The following RIMBP2 variants were observed in gnomAD, a reference collection of about 807,000 sequenced individuals.
The protein encoded by RIMBP2 is RIMS-binding protein 2.
Under a neutral mutation model 118.6 loss-of-function variants are expected in RIMBP2, and 48 were observed. The observed-to-expected ratio is 0.40, with a 90% CI of 0.32 to 0.51. The LOEUF (loss-of-function observed/expected upper bound fraction) is 0.51. Among genes scored for constraint, RIMBP2 ranks in the 20% least tolerant of loss-of-function variants. RIMBP2 has a pLI of 0.41. For synonymous variants in RIMBP2, 762 were observed against 742.9 expected (o/e 1.03, Z -0.42); for missense variants, 1,551 against 1,768.3 (o/e 0.88, Z 2.20).
intron 5 of RIMBP2, among the ~76,000 whole-genome samples, chr12:130,472,896 C>T (rs980767613): frequency 2.6e-5 from 4 of 152,114 alleles, no homozygotes; most frequent in African/African-American, 9.7e-5. Flanking sequence ...TTCAGCTCAA[C>T]CGTCGAAGGC....
chr12:130,713,189 A>AGAAGGAAG (rs146831323), intron 1 of RIMBP2, among the ~76,000 whole-genome samples: 1 of 110,938 alleles, frequency 9.0e-6, no homozygotes, highest in Non-Finnish European at 1.7e-5. Context: ...AAGGAAGGAA[A>AGAAGGAAG]GAAGGAAGGA....
intron 12 of RIMBP2, 30 bp downstream of exon 12, chr12:130,438,329 TAACAAA>T: frequency 6.8e-7 from 1 of 1,466,570 alleles, no homozygotes; most frequent in Non-Finnish European, 9.5e-7. Context: ...CGTTAGGGCC[TAACAAA>T]CCCTCCCCAC....
At chr12:130,662,523 G>T (rs1053810891) in intron 1 of RIMBP2, among the ~76,000 whole-genome samples, 1 of 152,148 alleles carries the variant, frequency 6.6e-6, no homozygotes, top group African/African-American at 2.4e-5. Flanking sequence ...GGGCATGGTG[G>T]TGTGTGCCTG....
chr12:130,458,307 T>C (rs12321318), intron 6 of RIMBP2, among the ~76,000 whole-genome samples: 39,148 of 152,104 alleles, frequency 0.26, 6,268 homozygotes, highest in Non-Finnish European at 0.34. Flanking sequence ...GCCGGCTGTG[T>C]CTACCAAGAT....
Position 130,623,548 on chromosome 12 carries a change from ATC to A in RIMBP2, c.-217+4772_-217+4773del, listed in dbSNP as rs945126706. On this transcript the variant is annotated intron_variant, in intron 2 of 22. Transcript: ENST00000690449. The surrounding 1 kb of genome is among the most constrained non-coding windows in gnomAD (Gnocchi z 4.1). The stretch of plus-strand genomic sequence containing the variant: ...AGGGGACAGTTAGTTAACTGTTGTC[ATC>A]TGTGTGTGCATCTACATATAGCACA... 6.9e-4 allele frequency among the ~76,000 whole-genome samples: 105 copies of A among 152,270 alleles called. 2 individuals carry two copies. Among genetic ancestry groups the A allele is most frequent in the African/African-American group, 2.4e-3 (99 of 41,544 alleles).
intron 17 of RIMBP2, among the ~76,000 whole-genome samples, chr12:130,415,807 G>A (rs1201705135): frequency 2.0e-5 from 3 of 152,088 alleles, no homozygotes; most frequent in African/African-American, 7.2e-5. Context: ...AGAAAACCCT[G>A]AAGACTCTGC....
At chr12:130,522,703 G>T (rs917513463) in intron 2 of RIMBP2, among the ~76,000 whole-genome samples, 1 of 152,166 alleles carries the variant, frequency 6.6e-6, no homozygotes, top group African/African-American at 2.4e-5. Context: ...GACTTCCTGT[G>T]CGCAGGGAGA....
At position 130,710,131 on chromosome 12, in the gene RIMBP2, C is replaced by CT. The variant is rs1949800386; in HGVS notation, c.-352+6090_-352+6091insA. On this transcript the variant is annotated intron_variant, in intron 1 of 22. Transcript: ENST00000690449. The surrounding 1 kb of genome is among the most constrained non-coding windows in gnomAD (Gnocchi z 4.3). The stretch of plus-strand genomic sequence containing the variant: ...TGTGGTCCCAGCTGCTCCAAAAACA[C>CT]CCAAGGAGCAATTTCTGCACATACC... Among the ~76,000 whole-genome samples, 2 of 152,200 alleles carry CT rather than the reference C, an allele frequency of 1.3e-5. No homozygotes were observed. The highest frequency in any genetic ancestry group is 2.9e-5 in the Non-Finnish European group (2 of 68,038).
rs144245039 is a variant in RIMBP2, at chr12:130,432,816, C to T, written c.2253+1918G>A. Among the ~76,000 whole-genome samples, 18 of 152,304 alleles carry T rather than the reference C, an allele frequency of 1.2e-4. No individual in the cohort carries two copies. The East Asian group carries it at 2.1e-3, about 18-fold the overall frequency. On this transcript the variant is annotated intron_variant, in intron 14 of 22. Coordinates refer to ENST00000690449, the MANE Select transcript of RIMBP2 (RefSeq NM_001393629.1). ...CCACCTGATCTATGGTATTCTGTGA[C>T]GGCAGCCCCAGCAGACGAGTACAAC...
At chr12:130,454,492 A>C (rs939933544) in intron 7 of RIMBP2, among the ~76,000 whole-genome samples, 1 of 151,664 alleles carries the variant, frequency 6.6e-6, no homozygotes, top group African/African-American at 2.4e-5. Context: ...ATGCACTGTG[A>C]GGGGAGTGCC....
chr12:130,651,559 A>G (rs553530548), intron 1 of RIMBP2: 2 of 152,374 alleles, frequency 1.3e-5, no homozygotes, highest in African/African-American at 4.8e-5. Flanking sequence ...CCGTCCTGGC[A>G]TGGCGGTCCT....
intron 6 of RIMBP2, among the ~76,000 whole-genome samples, chr12:130,461,431 C>A (rs1323626224): frequency 6.6e-6 from 1 of 152,118 alleles, no homozygotes; most frequent in Non-Finnish European, 1.5e-5. Flanking sequence ...GTGCCTCGGC[C>A]CGGGTGCAGC....
intron 3 of RIMBP2, among the ~76,000 whole-genome samples, chr12:130,514,375 G>A (rs1335696163): frequency 6.6e-6 from 1 of 152,248 alleles, no homozygotes; most frequent in Non-Finnish European, 1.5e-5. Flanking sequence ...TGCGGGAGCA[G>A]GGATGTCAAG....
At chr12:130,492,634 C>G (rs2048749670) in intron 4 of RIMBP2, among the ~76,000 whole-genome samples, 1 of 152,210 alleles carries the variant, frequency 6.6e-6, no homozygotes, top group Non-Finnish European at 1.5e-5. Context: ...CGGCTGTGAG[C>G]CCGGGATTTT....
intron 2 of RIMBP2, among the ~76,000 whole-genome samples, chr12:130,528,851 C>T (rs1215818427): frequency 6.6e-6 from 1 of 152,160 alleles, no homozygotes; most frequent in Non-Finnish European, 1.5e-5. Context: ...TCATATATTT[C>T]CAGTGGAGAT....
chr12:130,481,931 GCCGCCA>G (rs386767975), intron 4 of RIMBP2, among the ~76,000 whole-genome samples: 19 of 80,414 alleles, frequency 2.4e-4, no homozygotes, highest in Admixed American at 4.0e-4. Flanking sequence ...GACCCCCCAA[GCCGCCA>G]CCACCACCAC....
At chr12:130,593,637 T>C (rs2059403835) in intron 2 of RIMBP2, among the ~76,000 whole-genome samples, 1 of 152,198 alleles carries the variant, frequency 6.6e-6, no homozygotes, top group South Asian at 2.1e-4. Context: ...ACGTCATGCA[T>C]GTCCAGTCTG....
At position 130,441,928 on chromosome 12, in the gene RIMBP2, G is replaced by A; in HGVS notation, c.1424C>T (p.Pro475Leu). 6.2e-7 allele frequency: 1 copy of A among 1,613,966 alleles called. No homozygotes were observed. The highest frequency in any genetic ancestry group is 8.5e-7 in the Non-Finnish European group (1 of 1,180,036). Residue 475 changes from proline to leucine, a missense_variant, in exon 11 of 23, where the codon CCC (proline) becomes CTC (leucine). By Grantham distance (98) the Pro-to-Leu change is moderately conservative. Coordinates refer to ENST00000690449, the MANE Select transcript of RIMBP2 (RefSeq NM_001393629.1). ...MAYKVKVLAK[P>L]HQMPWQLPLE... ...CGGGAGCTGCCACGGCATCTGGTGG[G>A]GTTTGGCCAGAACCTTCACCTTATA...
intron 6 of RIMBP2, among the ~76,000 whole-genome samples, chr12:130,460,847 G>C (rs1166635663): frequency 6.6e-6 from 1 of 152,138 alleles, no homozygotes; most frequent in African/African-American, 2.4e-5. Flanking sequence ...AGTGACGGGG[G>C]AGAGCCAGCT....
Sources: gnomAD v4.1 joint callset for allele counts (sites outside exome capture counted in the v4.1 genomes callset) on GRCh38, gnomAD v4.1.1 for gene constraint, Gnocchi (gnomAD v3.1) non-coding constraint, MANE v1.5 for transcripts, NCBI Gene and HGNC (gene_info 2026-07-23, HGNC 2026-07-21) for gene names.